The following TAFA2 variants were observed in gnomAD, a reference collection of about 807,000 sequenced individuals.
The protein encoded by TAFA2 is TAFA chemokine like family member 2.
TAFA2 carries 7 observed loss-of-function variants against 18.8 expected under a neutral mutation model. That is an observed-to-expected ratio of 0.37 (90% CI 0.21 to 0.70). The LOEUF (loss-of-function observed/expected upper bound fraction) is 0.70. Among genes scored for constraint, TAFA2 ranks in the 30% least tolerant of loss-of-function variants. TAFA2 has a pLI of 0.53. For missense variants in TAFA2, 122 were observed against 158.1 expected (o/e 0.77, Z 1.23); for synonymous variants, 60 against 54.2 (o/e 1.11, Z -0.47).
chr12:62,166,276 C>A (rs1056880569), intron 1 of TAFA2, among the ~76,000 whole-genome samples: 1 of 152,096 alleles, frequency 6.6e-6, no homozygotes, highest in African/African-American at 2.4e-5. Context: ...ATTCTTTTGG[C>A]AATTTGGTAT....
At chr12:61,935,940 T>C (rs141448881) in intron 1 of TAFA2, among the ~76,000 whole-genome samples, 160 of 152,112 alleles carry the variant, frequency 1.1e-3, no homozygotes, top group African/African-American at 3.6e-3. Context: ...AAAGAACTGA[T>C]ATCAATCCTA....
chr12:62,025,479 T>A (rs1337714415), intron 1 of TAFA2, among the ~76,000 whole-genome samples: 2 of 152,140 alleles, frequency 1.3e-5, no homozygotes, highest in Non-Finnish European at 2.9e-5. Flanking sequence ...AATTCTGATT[T>A]CTAATGAAAA....
intron 1 of TAFA2, among the ~76,000 whole-genome samples, chr12:62,118,393 A>G (rs1315220045): frequency 2.0e-5 from 3 of 152,000 alleles, no homozygotes; most frequent in African/African-American, 2.4e-5. Context: ...GTCTATTTAG[A>G]TTGTTTCCAG....
chr12:61,971,027 G>T (rs1291557850), intron 1 of TAFA2, among the ~76,000 whole-genome samples: 1 of 151,546 alleles, frequency 6.6e-6, no homozygotes, highest in Admixed American at 6.6e-5. Context: ...ATAAGATATA[G>T]CAAAATAGAT....
intron 1 of TAFA2, among the ~76,000 whole-genome samples, chr12:62,076,983 C>A (rs1868253722): frequency 6.6e-6 from 1 of 152,104 alleles, no homozygotes; most frequent in Non-Finnish European, 1.5e-5. Flanking sequence ...GTTTTAGATT[C>A]CTCATTATAT....
At chr12:61,741,046 C>T (rs1281065332) in intron 4 of TAFA2, among the ~76,000 whole-genome samples, 1 of 151,986 alleles carries the variant, frequency 6.6e-6, no homozygotes, top group Non-Finnish European at 1.5e-5. Context: ...CACATTTCAA[C>T]TGAATGGCTG....
chr12:62,027,604 C>T (rs927426647), intron 1 of TAFA2, among the ~76,000 whole-genome samples: 4 of 152,100 alleles, frequency 2.6e-5, no homozygotes, highest in African/African-American at 4.8e-5. Flanking sequence ...AGTTGTCCTA[C>T]GATACACAGA....
intron 1 of TAFA2, among the ~76,000 whole-genome samples, chr12:62,174,832 C>T (rs1244176680): frequency 1.3e-5 from 2 of 152,086 alleles, no homozygotes; most frequent in Non-Finnish European, 2.9e-5. Flanking sequence ...GATACAATAC[C>T]GTTTTCAAAT....
chr12:62,142,435 C>T (rs2062246505), intron 1 of TAFA2, among the ~76,000 whole-genome samples: 1 of 152,124 alleles, frequency 6.6e-6, no homozygotes, highest in South Asian at 2.1e-4. Flanking sequence ...TGCCTATGTT[C>T]CTTTCACTCC....
intron 1 of TAFA2, among the ~76,000 whole-genome samples, chr12:61,958,851 A>T (rs1878786819): frequency 6.6e-6 from 1 of 151,920 alleles, no homozygotes; most frequent in African/African-American, 2.4e-5. Context: ...GTCTAAGGAG[A>T]TTTCCTAACC....
chr12:62,101,606 G>A (rs1869206178), intron 1 of TAFA2, among the ~76,000 whole-genome samples: 2 of 152,194 alleles, frequency 1.3e-5, no homozygotes, highest in Admixed American at 1.3e-4. Flanking sequence ...GCTTCTATAA[G>A]AGCAATCCAT....
At chr12:62,144,674 G>C (rs986855475) in intron 1 of TAFA2, among the ~76,000 whole-genome samples, 2 of 152,090 alleles carry the variant, frequency 1.3e-5, no homozygotes, top group East Asian at 1.9e-4. Flanking sequence ...CCAAAAGAAG[G>C]CACCCTTAAT....
chr12:62,121,400 C>T (rs989359929), intron 1 of TAFA2, among the ~76,000 whole-genome samples: 6 of 152,132 alleles, frequency 3.9e-5, no homozygotes, highest in African/African-American at 1.4e-4. Context: ...TTGTGTGTAA[C>T]ATTGAGCCAG....
chr12:62,141,271 C>T (rs2062237115), intron 1 of TAFA2, among the ~76,000 whole-genome samples: 1 of 152,224 alleles, frequency 6.6e-6, no homozygotes. Flanking sequence ...CCTGTGTGTT[C>T]TGTCTATGTA....
intron 2 of TAFA2, among the ~76,000 whole-genome samples, chr12:61,795,976 G>A (rs1246845105): frequency 6.6e-6 from 1 of 151,994 alleles, no homozygotes; most frequent in Non-Finnish European, 1.5e-5. Context: ...TACACCAAGT[G>A]TTAGTGACAG....
chr12:61,869,566 AT>A (rs1165438911), intron 1 of TAFA2, among the ~76,000 whole-genome samples: 1 of 152,154 alleles, frequency 6.6e-6, no homozygotes, highest in Non-Finnish European at 1.5e-5. Context: ...ATTTAACTAG[AT>A]TTTTTTAACA....
At chr12:62,199,576 GTGTGTGTGTA>G (rs1035102471) in intron 1 of TAFA2, among the ~76,000 whole-genome samples, 15 of 151,438 alleles carry the variant, frequency 9.9e-5, no homozygotes, top group Admixed American at 2.6e-4. Context: ...TCCATGGTGT[GTGTGTGTGTA>G]TGTGTGTGTA....
At chr12:61,939,678 A>G (rs996239512) in intron 1 of TAFA2, among the ~76,000 whole-genome samples, 5 of 152,226 alleles carry the variant, frequency 3.3e-5, no homozygotes, top group South Asian at 2.1e-4. Context: ...TAAAATATGT[A>G]ATGTTATTAT....
intron 4 of TAFA2, among the ~76,000 whole-genome samples, chr12:61,717,208 T>C (rs893346133): frequency 1.3e-5 from 2 of 152,218 alleles, no homozygotes; most frequent in Non-Finnish European, 2.9e-5. Context: ...CGTAACTATA[T>C]GTGAATGCAC....
Sources: gnomAD v4.1 joint callset for allele counts (sites outside exome capture counted in the v4.1 genomes callset) on GRCh38, gnomAD v4.1.1 for gene constraint, MANE v1.5 for transcripts, NCBI Gene and HGNC (gene_info 2026-07-23, HGNC 2026-07-21) for gene names.